The following MAPK10 variants were observed in gnomAD, a reference collection of about 807,000 sequenced individuals.
The protein encoded by MAPK10 is mitogen-activated protein kinase 10.
MAPK10 carries 25 observed loss-of-function variants against 59.3 expected under a neutral mutation model. The observed-to-expected ratio is 0.42, with a 90% confidence interval of 0.31 to 0.59. The LOEUF (loss-of-function observed/expected upper bound fraction) is 0.59. MAPK10 is among the 20% of genes least tolerant of loss of function. MAPK10 has a pLI of 0.15. For missense variants in MAPK10, 351 were observed against 568.9 expected (o/e 0.62, Z 3.90); for synonymous variants, 190 against 200.5 (o/e 0.95, Z 0.44).
At chr4:86,443,473 C>T (rs1749658126) in intron 1 of MAPK10, among the ~76,000 whole-genome samples, 1 of 152,116 alleles carries the variant, frequency 6.6e-6, no homozygotes, top group Non-Finnish European at 1.5e-5. Context: ...ACTCCAGCTC[C>T]CTCTAGCTAT....
intron 1 of MAPK10, among the ~76,000 whole-genome samples, chr4:86,528,045 G>T (rs1353237872): frequency 1.3e-5 from 2 of 152,134 alleles, no homozygotes; most frequent in Non-Finnish European, 2.9e-5. Flanking sequence ...TACCTATTAG[G>T]TATTATGCTC....
chr4:86,307,512 T>C (rs1344802808), intron 2 of MAPK10, among the ~76,000 whole-genome samples: 2 of 152,066 alleles, frequency 1.3e-5, no homozygotes, highest in African/African-American at 4.8e-5. Flanking sequence ...AAGAGAATGT[T>C]GTAAGTTAGA....
intron 2 of MAPK10, among the ~76,000 whole-genome samples, chr4:86,312,580 A>C (rs940847270): frequency 6.6e-6 from 1 of 152,096 alleles, no homozygotes; most frequent in Non-Finnish European, 1.5e-5. Flanking sequence ...ACATAGTCTA[A>C]CTCACTACAA....
intron 3 of MAPK10, among the ~76,000 whole-genome samples, chr4:86,168,413 C>T (rs57249430): frequency 0.017 from 2,548 of 152,316 alleles, 92 homozygotes; most frequent in African/African-American, 0.057. Context: ...GATTATATCC[C>T]GCACCTGGCT....
rs181835187 is a variant in MAPK10, at chr4:86,495,389, T to A, written c.-263+98521A>T. On this transcript the variant is annotated intron_variant, in intron 1 of 4. Coordinates refer to the MAPK10 transcript ENST00000502302. The stretch of plus-strand genomic sequence containing the variant: ...CCAATCTGGCCTATCCACACCTCCA[T>A]CTATCCCTTCCCTTGAGACTATTTT... Among the ~76,000 whole-genome samples, 420 of 152,296 alleles carry A rather than the reference T, an allele frequency of 2.8e-3. 7 individuals are homozygous for A. The highest frequency in any genetic ancestry group is 7.0e-3 in the East Asian group (36 of 5,172).
intron 1 of MAPK10, among the ~76,000 whole-genome samples, chr4:86,435,499 CA>C (rs376580978): frequency 2.7e-5 from 4 of 146,116 alleles, no homozygotes; most frequent in Non-Finnish European, 6.0e-5. Context: ...CGCCATCTCA[CA>C]AAAAAAAAGG....
upstream of MAPK10, among the ~76,000 whole-genome samples, chr4:86,456,269 C>T (rs375615080): frequency 7.2e-5 from 11 of 151,898 alleles, no homozygotes; most frequent in African/African-American, 2.7e-4. Context: ...AAGAACAAAC[C>T]AAACTGAAAC....
chr4:86,143,167 A>G (rs2064021818), intron 4 of MAPK10, among the ~76,000 whole-genome samples: 1 of 152,174 alleles, frequency 6.6e-6, no homozygotes, highest in South Asian at 2.1e-4. Context: ...AGATGCTTGT[A>G]AAACCACCAG....
rs933932875 is a variant in MAPK10, at chr4:86,057,968, G to C, written c.1110+6298C>G. On this transcript the variant is annotated intron_variant, in intron 11 of 13. Coordinates refer to ENST00000641462, the MANE Select transcript of MAPK10 (RefSeq NM_138982.4). ...ATGTGGTCCAACATTGTCTCAACAAGACTGTAGCCCTACAACCAACAATCG... is the reference window on the plus strand; with the variant it reads ...ATGTGGTCCAACATTGTCTCAACAACACTGTAGCCCTACAACCAACAATCG... Among the ~76,000 whole-genome samples the C allele has an allele frequency of 5.1e-4, 77 of 149,666 alleles. 3 individuals are homozygous for C. Among genetic ancestry groups the C allele is most frequent in the African/African-American group, 1.9e-3 (75 of 39,954 alleles).
At chr4:86,448,141 C>T (rs1750261499) in intron 1 of MAPK10, among the ~76,000 whole-genome samples, 1 of 152,136 alleles carries the variant, frequency 6.6e-6, no homozygotes. Context: ...AAAACACATT[C>T]TTATTCTCAC....
intron 1 of MAPK10, among the ~76,000 whole-genome samples, chr4:86,389,579 T>C (rs2149007699): frequency 6.6e-6 from 1 of 152,310 alleles, no homozygotes; most frequent in Admixed American, 6.5e-5. Flanking sequence ...GCGGTCCAAC[T>C]ATAAGTTGGG....
chr4:86,328,089 G>A (rs2096068456), intron 2 of MAPK10, among the ~76,000 whole-genome samples: 1 of 152,176 alleles, frequency 6.6e-6, no homozygotes, highest in African/African-American at 2.4e-5. Flanking sequence ...AGTAGGTCAT[G>A]AGGACTCTTT....
At chr4:86,047,207 A>G (rs1019218142) in intron 11 of MAPK10, among the ~76,000 whole-genome samples, 1 of 152,070 alleles carries the variant, frequency 6.6e-6, no homozygotes, top group Non-Finnish European at 1.5e-5. Context: ...CAGGTTACAC[A>G]CGAATGTGTG....
intron 4 of MAPK10, chr4:86,107,737 C>T: frequency 1.3e-6 from 1 of 744,994 alleles, no homozygotes; most frequent in Non-Finnish European, 1.6e-6. Context: ...GTCATTTAAT[C>T]TCTCTGAGCT....
chr4:86,163,814 CAAAGGATGTGGAAGTTAAAAAT>C (rs1180977109), intron 3 of MAPK10, among the ~76,000 whole-genome samples: 1 of 152,064 alleles, frequency 6.6e-6, no homozygotes, highest in Non-Finnish European at 1.5e-5. Flanking sequence ...GACATGTAAA[CAAAGGATGTGGAAGTTAAAAAT>C]AATGTCATAA....
chr4:86,427,442 C>G (rs1349816094), intron 1 of MAPK10, among the ~76,000 whole-genome samples: 1 of 152,078 alleles, frequency 6.6e-6, no homozygotes, highest in Non-Finnish European at 1.5e-5. Flanking sequence ...AAACCCCACT[C>G]ATATCTCCCT....
chr4:86,394,505 ATTG>A (rs1047948598), intron 1 of MAPK10, among the ~76,000 whole-genome samples: 1 of 152,128 alleles, frequency 6.6e-6, no homozygotes, highest in African/African-American at 2.4e-5. Context: ...TTAGCTCCAA[ATTG>A]TTTTTTGCTA....
intron 3 of MAPK10, among the ~76,000 whole-genome samples, chr4:86,169,375 G>T (rs991175277): frequency 6.6e-6 from 1 of 152,178 alleles, no homozygotes; most frequent in East Asian, 1.9e-4. Flanking sequence ...TTAAAGGAGT[G>T]GATGGAGCTG....
chr4:86,552,429 G>A (rs1160243154), intron 1 of MAPK10, among the ~76,000 whole-genome samples: 2 of 76,394 alleles, frequency 2.6e-5, no homozygotes, highest in African/African-American at 1.1e-4. Flanking sequence ...TCAAAGAGAG[G>A]AAGGAAGGAA....
Sources: allele counts gnomAD v4.1 joint callset (sites outside exome capture counted in the v4.1 genomes callset), GRCh38; gene constraint gnomAD v4.1.1; transcripts MANE v1.5; gene names NCBI Gene and HGNC (gene_info 2026-07-23, HGNC 2026-07-21).